PDE3A: variants seen among roughly 807,000 people sequenced by gnomAD.
PDE3A encodes the protein phosphodiesterase 3A.
In PDE3A, 43 loss-of-function variants were observed where a neutral mutation model predicts 98.3. The observed-to-expected ratio is 0.44, with a 90% CI of 0.34 to 0.56. The LOEUF (loss-of-function observed/expected upper bound fraction) is 0.56, where lower values mean the gene tolerates loss of function less well. Among genes scored for constraint, PDE3A ranks in the 20% least tolerant of loss-of-function variants. The pLI is 0.01. For missense variants in PDE3A, 1,427 were observed against 1,440.7 expected (o/e 0.99, Z 0.15); for synonymous variants, 663 against 567.9 (o/e 1.17, Z -2.38).
intron 2 of PDE3A, among the ~76,000 whole-genome samples, chr12:20,579,832 G>A (rs1054283821): frequency 6.6e-6 from 1 of 151,990 alleles, no homozygotes; most frequent in Non-Finnish European, 1.5e-5. Context: ...TCAATCAAAG[G>A]GATTGAGAAA....
chr12:20,668,801 T>C (rs1320092518), intron 15 of PDE3A, among the ~76,000 whole-genome samples: 1 of 151,556 alleles, frequency 6.6e-6, no homozygotes, highest in Non-Finnish European at 1.5e-5. Context: ...CCAATCCTCC[T>C]CCAAAGGAAC....
rs1487716348 is a variant in PDE3A at position 20,487,199 on chromosome 12, ATAATT to A, written c.961-69457_961-69453del. Among the ~76,000 whole-genome samples the A allele has an allele frequency of 5.9e-5, 9 of 152,096 alleles. No individual in the cohort carries two copies. The East Asian group carries it at 7.7e-4, about 13-fold the overall frequency. ...ACATGCCTATGTGTAGAACTAAAGA[ATAATT>A]TAAATAAATTATGACTTATACAAAT... On this transcript the variant is annotated intron_variant, in intron 1 of 15. Coordinates refer to ENST00000359062, the MANE Select transcript of PDE3A (RefSeq NM_000921.5).
intron 1 of PDE3A, among the ~76,000 whole-genome samples, chr12:20,387,538 G>T (rs1306864589): frequency 6.6e-6 from 1 of 151,988 alleles, no homozygotes; most frequent in Non-Finnish European, 1.5e-5. Context: ...TCTTTGAATA[G>T]TCTGACAAAT....
At chr12:20,453,317 G>C (rs1442089039) in intron 1 of PDE3A, among the ~76,000 whole-genome samples, 1 of 151,876 alleles carries the variant, frequency 6.6e-6, no homozygotes, top group Non-Finnish European at 1.5e-5. Flanking sequence ...GGGATTACAG[G>C]TGACCACCAT....
Position 20,680,093 on chromosome 12 carries a change from A to G in PDE3A, c.3248A>G (p.His1083Arg), listed in dbSNP as rs1945737759. Residue 1083 changes from histidine to arginine, a missense_variant, in exon 16 of 16, where the codon CAC (histidine) becomes CGC (arginine). Physicochemically the swap from His to Arg is conservative, Grantham distance 29. This residue lies in a region of PDE3A where 142 missense variants were observed against 133.9 expected (regional missense o/e 1.06). Coordinates refer to ENST00000359062, the MANE Select transcript of PDE3A (RefSeq NM_000921.5). ...ATAACTCAGCACCTCTTACAGAACC[A>G]CAAGATGTGGAAGAAAGTCATTGAA... is the stretch of plus-strand genomic sequence containing the variant. ...CQITQHLLQN[H>R]KMWKKVIEEE... 6 of 1,612,028 alleles carry G rather than the reference A, an allele frequency of 3.7e-6. No homozygotes were observed. The East Asian group carries it at 1.3e-4, about 36-fold the overall frequency.
At chr12:20,471,502 C>T (rs184689629) in intron 1 of PDE3A, among the ~76,000 whole-genome samples, 8 of 152,256 alleles carry the variant, frequency 5.3e-5, no homozygotes, top group Non-Finnish European at 1.0e-4. Flanking sequence ...TCTAGAAATA[C>T]GGAGTCCAAT....
chr12:20,539,577 C>T (rs1941842416), intron 1 of PDE3A, among the ~76,000 whole-genome samples: 1 of 152,014 alleles, frequency 6.6e-6, no homozygotes, highest in Admixed American at 6.6e-5. Context: ...TTAATAAAAC[C>T]CAGCACCTAA....
chr12:20,637,362 C>G, intron 9 of PDE3A, 125 bp downstream of exon 9: 1 of 602,838 alleles, frequency 1.7e-6, no homozygotes, highest in South Asian at 2.8e-5. Flanking sequence ...TTTTAGAACA[C>G]AACATTCTGT....
At chr12:20,430,040 A>T in intron 1 of PDE3A, among the ~76,000 whole-genome samples, 1 of 151,562 alleles carries the variant, frequency 6.6e-6, no homozygotes, top group Non-Finnish European at 1.5e-5. Context: ...CTGTAGTTAA[A>T]CTCTTTTTTT....
chr12:20,509,512 C>T (rs533136212), intron 1 of PDE3A, among the ~76,000 whole-genome samples: 1 of 151,962 alleles, frequency 6.6e-6, no homozygotes, highest in East Asian at 1.9e-4. Context: ...GTTCTTATAC[C>T]TTAATTTTTA....
At chr12:20,507,420 G>A (rs1418682830) in intron 1 of PDE3A, among the ~76,000 whole-genome samples, 7 of 152,066 alleles carry the variant, frequency 4.6e-5, no homozygotes, top group Non-Finnish European at 1.0e-4. Context: ...TATGGCATAT[G>A]TTAATTGACC....
intron 1 of PDE3A, chr12:20,551,820 G>A (rs1942210375): frequency 6.2e-7 from 1 of 1,613,976 alleles, no homozygotes; most frequent in Non-Finnish European, 8.5e-7. Flanking sequence ...AGCGGGACTG[G>A]GACAAGGGCA....
At chr12:20,469,572 T>C (rs996483268) in intron 1 of PDE3A, among the ~76,000 whole-genome samples, 1 of 152,222 alleles carries the variant, frequency 6.6e-6, no homozygotes, top group African/African-American at 2.4e-5. Context: ...ACTTTGAATT[T>C]AATACATTAA....
chr12:20,626,750 G>C (rs139728686), intron 5 of PDE3A, among the ~76,000 whole-genome samples: 1 of 152,000 alleles, frequency 6.6e-6, no homozygotes, highest in African/African-American at 2.4e-5. Flanking sequence ...TGCCCTCCTC[G>C]GCCTCCCAAA....
At position 20,646,736 on chromosome 12, in the gene PDE3A, A is replaced by G. The variant is rs1944786066; in HGVS notation, c.2366-15A>G. On this transcript the variant is annotated splice_polypyrimidine_tract_variant and intron_variant, in intron 11 of 15. Transcript: ENST00000359062. ...TTTTTTAAAAACTTCTTTGACTCTCATTTTCTCTTCTCAGATTCTGACAGT... is the reference window on the plus strand; with the variant it reads ...TTTTTTAAAAACTTCTTTGACTCTCGTTTTCTCTTCTCAGATTCTGACAGT... 6.3e-7 allele frequency: 1 copy of G among 1,577,730 alleles called. No individual in the cohort carries two copies. The highest frequency in any genetic ancestry group is 8.7e-7 in the Non-Finnish European group (1 of 1,147,600).
At chr12:20,602,834 C>T (rs1943623745) in intron 2 of PDE3A, among the ~76,000 whole-genome samples, 1 of 152,166 alleles carries the variant, frequency 6.6e-6, no homozygotes, top group South Asian at 2.1e-4. Context: ...CACATGATTT[C>T]ATTTTTTAAA....
chr12:20,668,039 A>G (rs10841589), intron 15 of PDE3A, among the ~76,000 whole-genome samples: 103,027 of 152,050 alleles, frequency 0.68, 35,140 homozygotes, highest in East Asian at 0.79. Context: ...CACTTGGGAA[A>G]CGCAAGGGGT....
intron 1 of PDE3A, among the ~76,000 whole-genome samples, chr12:20,406,513 T>C (rs1050824902): frequency 6.6e-6 from 1 of 152,178 alleles, no homozygotes; most frequent in Admixed American, 6.5e-5. Context: ...TTGTTGGCCA[T>C]TTGTATGTCT....
At chr12:20,677,044 T>G (rs1945658770) in intron 15 of PDE3A, among the ~76,000 whole-genome samples, 1 of 152,198 alleles carries the variant, frequency 6.6e-6, no homozygotes, top group Non-Finnish European at 1.5e-5. Context: ...TTTTTATGTT[T>G]TTAGTGTTCA....
Sources: allele counts gnomAD v4.1 joint callset (sites outside exome capture counted in the v4.1 genomes callset), GRCh38; gene constraint gnomAD v4.1.1; regional missense constraint gnomAD v4.1.1; transcripts MANE v1.5; gene names NCBI Gene and HGNC (gene_info 2026-07-23, HGNC 2026-07-21).